SDS: variants seen among roughly 807,000 people sequenced by gnomAD.
SDS encodes L-serine dehydratase/L-threonine deaminase.
Under a neutral mutation model 29.3 loss-of-function variants are expected in SDS, and 19 were observed. The ratio of observed to expected loss-of-function variants is 0.65; its 90% CI spans 0.45 to 0.95. The LOEUF (loss-of-function observed/expected upper bound fraction) is 0.95. Ranked by LOEUF, SDS falls within the 40% of genes least tolerant of loss-of-function variation. The pLI is 0.00. For synonymous variants in SDS, 176 were observed against 189.0 expected (o/e 0.93, Z 0.56); for missense variants, 375 against 439.9 (o/e 0.85, Z 1.32).
In SDS at chr12:113,393,127, C is replaced by T. The variant is rs770068207; in HGVS notation, c.801G>A (p.Glu267=). The change falls in exon 8 of 8, where the codon GAG becomes GAA. Residue 267 remains glutamate (E), a synonymous_variant. Transcript: ENST00000257549. ...CGGCCAGGGCTGCCCCGCAGGCGGGCTCCACCAGGATCTTCTCATCATCTG... is the reference window on the plus strand; with the variant it reads ...CGGCCAGGGCTGCCCCGCAGGCGGGTTCCACCAGGATCTTCTCATCATCTG... ...KFVDDEKILV[E]PACGAALAAV... The T allele has an allele frequency of 2.7e-5, 43 of 1,613,808 alleles. No individual in the cohort carries two copies. Among genetic ancestry groups the T allele is most frequent in the Non-Finnish European group, 5.1e-6 (6 of 1,180,016 alleles).
chr12:113,394,332 G>T (rs933845737), intron 6 of SDS, among the ~76,000 whole-genome samples: 18 of 144,550 alleles, frequency 1.2e-4, no homozygotes, highest in African/African-American at 2.1e-4. Flanking sequence ...TTGTTTTTTT[G>T]TTGTTTTTTT....
intron 7 of SDS, among the ~76,000 whole-genome samples, chr12:113,393,525 C>T (rs1050658277): frequency 3.3e-5 from 5 of 152,130 alleles, no homozygotes; most frequent in African/African-American, 9.7e-5. Context: ...AGACGGAACC[C>T]AGAAAGAGTC....
At chr12:113,402,925 G>A (rs1191042747) in intron 1 of SDS, among the ~76,000 whole-genome samples, 1 of 152,204 alleles carries the variant, frequency 6.6e-6, no homozygotes, top group Non-Finnish European at 1.5e-5. Flanking sequence ...GCAGTCGGAA[G>A]CCACCTTCCC....
rs1957662357 is a variant in SDS at position 113,398,512 on chromosome 12, T to C, written c.425+3A>G. On this transcript the variant is annotated splice_donor_region_variant and intron_variant, in intron 5 of 7. Transcript: ENST00000257549. ...CCACCAAGTGACCTTGAACTCCACA[T>C]ACCAGATGAGGGGGTCATCAAAGGG... The C allele has an allele frequency of 3.2e-6, 5 of 1,584,692 alleles. No homozygotes were observed. Among genetic ancestry groups the C allele is most frequent in the Non-Finnish European group, 4.3e-6 (5 of 1,165,892 alleles).
At chr12:113,398,467 T>C (rs752954354) in intron 5 of SDS, 48 bp downstream of exon 5, 32 of 1,173,960 alleles carry the variant, frequency 2.7e-5, no homozygotes, top group Admixed American at 8.4e-5. Context: ...CCCAGTGATA[T>C]AGGGCAGTGG....
At chr12:113,402,763 C>T (rs185914358) in intron 1 of SDS, among the ~76,000 whole-genome samples, 1 of 152,302 alleles carries the variant, frequency 6.6e-6, no homozygotes, top group Non-Finnish European at 1.5e-5. Context: ...GGACAGGGCT[C>T]CCTCTGCCGC....
At chr12:113,393,422 G>A (rs1350633372) in intron 7 of SDS, among the ~76,000 whole-genome samples, 2 of 152,256 alleles carry the variant, frequency 1.3e-5, no homozygotes, top group African/African-American at 2.4e-5. Context: ...CATCATCTGA[G>A]CAAGAGTTCC....
In SDS at chr12:113,397,150, A is replaced by G; in HGVS notation, c.653+15T>C. 1 of 1,611,752 alleles carries G rather than the reference A, an allele frequency of 6.2e-7. No homozygotes were observed. Among genetic ancestry groups the G allele is most frequent in the East Asian group, 2.2e-5 (1 of 44,848 alleles). ...TGCTTGCTGGACACCCGAGGGAGGC[A>G]CCCCAGCTGCTCACCTGGTGATCTT... On this transcript the variant is annotated intron_variant, in intron 6 of 7. Coordinates refer to ENST00000257549, the MANE Select transcript of SDS (RefSeq NM_006843.3).
intron 5 of SDS, among the ~76,000 whole-genome samples, chr12:113,398,172 G>A (rs1957660172): frequency 6.6e-6 from 1 of 151,128 alleles, no homozygotes; most frequent in African/African-American, 2.4e-5. Flanking sequence ...CTGGGTTCAA[G>A]CGATTCTCCT....
intron 6 of SDS, among the ~76,000 whole-genome samples, chr12:113,396,340 TTTTCC>T (rs373354943): frequency 2.5e-3 from 343 of 139,012 alleles, no homozygotes; most frequent in African/African-American, 6.1e-3. Flanking sequence ...CTCCCTCCCT[TTTTCC>T]TTTCCTTTCC....
chr12:113,400,760 G>C (rs1957680146), intron 1 of SDS, among the ~76,000 whole-genome samples: 1 of 151,980 alleles, frequency 6.6e-6, no homozygotes, highest in Non-Finnish European at 1.5e-5. Context: ...CCAGGGTGGG[G>C]CCTCTGAGGA....
rs909127640 is a variant in SDS, at chr12:113,393,038, G to A, written c.890C>T (p.Ser297Phe). The A allele has an allele frequency of 3.9e-5, 63 of 1,614,266 alleles. No individual in the cohort carries two copies. The highest frequency in any genetic ancestry group is 5.3e-5 in the Non-Finnish European group (63 of 1,180,044). ...GCCCCCGCAGACGATGACCACGAGG[G>A]ATGGCAGCGGGGTTCGGAGATTCCC... ...LEGNLRTPLP[S>F]LVVIVCGGSN... Residue 297 changes from serine (S) to phenylalanine (F), a missense_variant, in exon 8 of 8, where the codon TCC becomes TTC. By Grantham distance (155) the Ser-to-Phe change is radical (BLOSUM62 -2). Coordinates refer to ENST00000257549, the MANE Select transcript of SDS (RefSeq NM_006843.3).
chr12:113,402,349 G>A (rs1957688818), intron 1 of SDS, among the ~76,000 whole-genome samples: 2 of 152,178 alleles, frequency 1.3e-5, no homozygotes, highest in Non-Finnish European at 2.9e-5. Context: ...CTGGAGTGCA[G>A]CGGCATGATC....
At position 113,393,079 on chromosome 12, in the gene SDS, C is replaced by T. The variant is rs375110341; in HGVS notation, c.849G>A (p.Gln283=). 1.2e-6 allele frequency: 2 copies of T among 1,614,116 alleles called. No individual in the cohort carries two copies. The highest frequency in any genetic ancestry group is 1.7e-6 in the Non-Finnish European group (2 of 1,180,042). Residue 283 remains glutamine (Q), a synonymous_variant, in exon 8 of 8, where the codon CAG becomes CAA. Coordinates refer to ENST00000257549, the MANE Select transcript of SDS (RefSeq NM_006843.3). ...ALAAVYSHVI[Q]KLQLEGNLRT... is the part of the protein sequence containing the mutation. Reference sequence around the variant, plus strand: ...GGAGATTCCCCTCCAGTTGGAGCTTCTGGATCACGTGGCTATAGACAGCGG... The same window carrying T: ...GGAGATTCCCCTCCAGTTGGAGCTTTTGGATCACGTGGCTATAGACAGCGG...
chr12:113,403,056 T>G (rs1957694336), intron 1 of SDS, among the ~76,000 whole-genome samples: 1 of 152,154 alleles, frequency 6.6e-6, no homozygotes, highest in South Asian at 2.1e-4. Context: ...GGCGCTATGC[T>G]CATCCCCATT....
rs138384960 is a variant in SDS, at chr12:113,393,102, C to A, written c.826G>T (p.Ala276Ser). The change falls in exon 8 of 8, where the codon GCT becomes TCT. Residue 276 changes from alanine (A) to serine (S), a missense_variant. Physicochemically the swap from Ala to Ser is moderately conservative, Grantham distance 99. Coordinates refer to ENST00000257549, the MANE Select transcript of SDS (RefSeq NM_006843.3). ...TTCTGGATCACGTGGCTATAGACAGCGGCCAGGGCTGCCCCGCAGGCGGGC... is the reference window on the plus strand; with the variant it reads ...TTCTGGATCACGTGGCTATAGACAGAGGCCAGGGCTGCCCCGCAGGCGGGC... ...VEPACGAALA[A>S]VYSHVIQKLQ... The A allele has an allele frequency of 2.5e-6, 4 of 1,613,990 alleles. No individual in the cohort carries two copies. In the African/African-American group the frequency reaches 4.0e-5, roughly 16 times the overall value.
rs771270746 is a variant in SDS at position 113,399,109 on chromosome 12, T to G, written c.193+3A>C. 4.3e-6 allele frequency: 7 copies of G among 1,614,016 alleles called. No homozygotes were observed. Among genetic ancestry groups the G allele is most frequent in the Non-Finnish European group, 5.9e-6 (7 of 1,179,938 alleles). ...GGACAGGATGGGGAAGCAGATCACT[T>G]ACCCGAGGAGCAGACAAAATGTGCA... On this transcript the variant is annotated splice_donor_region_variant and intron_variant, in intron 3 of 7. Coordinates refer to ENST00000257549, the MANE Select transcript of SDS (RefSeq NM_006843.3).
At chr12:113,395,997 G>A (rs916361482) in intron 6 of SDS, among the ~76,000 whole-genome samples, 3 of 152,202 alleles carry the variant, frequency 2.0e-5, no homozygotes, top group Non-Finnish European at 2.9e-5. Context: ...TACTCCTGAG[G>A]CTGAGGCAGG....
intron 6 of SDS, among the ~76,000 whole-genome samples, chr12:113,394,988 A>C (rs1437016529): frequency 6.6e-6 from 1 of 152,214 alleles, no homozygotes; most frequent in Non-Finnish European, 1.5e-5. Context: ...AGAAAGTGTT[A>C]GGTGCCAAGC....
Sources: allele counts gnomAD v4.1 joint callset (sites outside exome capture counted in the v4.1 genomes callset), GRCh38; gene constraint gnomAD v4.1.1; transcripts MANE v1.5; gene names NCBI Gene and HGNC (gene_info 2026-07-23, HGNC 2026-07-21).